Variants in DPP6 observed in about 807,000 individuals in gnomAD.
DPP6 encodes the protein dipeptidyl peptidase like 6.
Under a neutral mutation model 122.6 loss-of-function variants are expected in DPP6, and 69 were observed. The observed-to-expected ratio is 0.56, with a 90% CI of 0.46 to 0.69. The LOEUF is 0.69. Ranked by LOEUF, DPP6 falls within the 30% of genes least tolerant of loss-of-function variation. The pLI is 0.00. For missense variants in DPP6, 928 were observed against 1,116.9 expected, an observed-to-expected ratio of 0.83 and a Z score of 2.41; for synonymous variants, 418 against 433.1, an observed-to-expected ratio of 0.97 and a Z score of 0.43.
At chr7:154,510,023 G>T (rs1478458926) in intron 3 of DPP6, among the ~76,000 whole-genome samples, 1 of 152,106 alleles carries the variant, frequency 6.6e-6, no homozygotes, top group Non-Finnish European at 1.5e-5. Flanking sequence ...ATGATGGTGG[G>T]TGCACATGTC....
chr7:154,881,129 C>T lies in DPP6; in HGVS notation c.2133+187C>T, dbSNP rs3817517. The T allele has an allele frequency of 0.29, 292,988 of 996,192 alleles. 45,936 individuals are homozygous for T. Among genetic ancestry groups the T allele is most frequent in the East Asian group, 0.51 (17,529 of 34,082 alleles). 61.7% of individuals were successfully genotyped at this position (996,192 alleles called of 1,614,324 possible). A position where few individuals can be genotyped will look rare whatever the true frequency, so the allele number is the denominator to read the frequency against. On this transcript the variant is annotated intron_variant, in intron 21 of 25. Coordinates refer to ENST00000377770, the MANE Select transcript of DPP6 (RefSeq NM_130797.4). The stretch of plus-strand genomic sequence containing the variant: ...AGGTTTCATTTGATCAGCTCATTTT[C>T]CTAAGTTTCTTTTTACATTATCTGG...
intron 1 of DPP6, among the ~76,000 whole-genome samples, chr7:154,401,159 T>C (rs1815545630): frequency 6.6e-6 from 1 of 150,508 alleles, no homozygotes; most frequent in Non-Finnish European, 1.5e-5. Flanking sequence ...GTCATGCCAC[T>C]GCACTACAGC....
At chr7:154,585,228 C>T (rs956696501) in intron 5 of DPP6, among the ~76,000 whole-genome samples, 1 of 152,218 alleles carries the variant, frequency 6.6e-6, no homozygotes, top group Admixed American at 6.5e-5. Context: ...CATTTTAATG[C>T]CCGCATAGTC....
chr7:154,294,660 T>C (rs1805419304), intron 1 of DPP6, among the ~76,000 whole-genome samples: 1 of 152,124 alleles, frequency 6.6e-6, no homozygotes. Context: ...AACAGCGAGG[T>C]CTAGCCCAGA....
At chr7:154,398,617 T>C (rs1166310250) in intron 1 of DPP6, among the ~76,000 whole-genome samples, 2 of 126,194 alleles carry the variant, frequency 1.6e-5, no homozygotes, top group Non-Finnish European at 3.4e-5. Flanking sequence ...TCATATTTTC[T>C]CTCTCTCTCT....
At chr7:154,767,978 C>T (rs528821527) in intron 8 of DPP6, among the ~76,000 whole-genome samples, 1 of 152,316 alleles carries the variant, frequency 6.6e-6, no homozygotes, top group Non-Finnish European at 1.5e-5. Context: ...GCATCCCCAT[C>T]AGTGCCATGC....
chr7:153,976,339 A>G (rs924100657), intron 1 of DPP6, among the ~76,000 whole-genome samples: 4 of 152,172 alleles, frequency 2.6e-5, no homozygotes, highest in African/African-American at 9.7e-5. Flanking sequence ...TCTCTAACAG[A>G]CAACAGTGTG....
chr7:154,154,865 G>A (rs1351734813), intron 1 of DPP6, among the ~76,000 whole-genome samples: 12 of 152,326 alleles, frequency 7.9e-5, no homozygotes, highest in South Asian at 4.1e-4. Flanking sequence ...GTAAGAGCCC[G>A]TGTGGCTCAG....
chr7:154,719,843 G>T (rs1841702532), intron 7 of DPP6, among the ~76,000 whole-genome samples: 6 of 152,226 alleles, frequency 3.9e-5, no homozygotes, highest in Admixed American at 3.9e-4. Context: ...GCTCTGAAAA[G>T]AGCTCACTTG....
intron 5 of DPP6, among the ~76,000 whole-genome samples, chr7:154,629,837 G>A (rs1389721062): frequency 6.6e-6 from 1 of 152,098 alleles, no homozygotes; most frequent in Non-Finnish European, 1.5e-5. Flanking sequence ...CAGACACCCA[G>A]TCCAAAATCC....
At chr7:154,862,713 C>G (rs983900431) in intron 17 of DPP6, among the ~76,000 whole-genome samples, 2 of 152,196 alleles carry the variant, frequency 1.3e-5, no homozygotes, top group African/African-American at 4.8e-5. Context: ...TGAGTCCCCT[C>G]AATGCACAAC....
chr7:153,776,840 G>A, the DPP6 span, among the ~76,000 whole-genome samples: 2 of 152,188 alleles, frequency 1.3e-5, no homozygotes, highest in Non-Finnish European at 2.9e-5. Flanking sequence ...GAAAATATTT[G>A]TGTGACATTG....
At chr7:154,178,406 G>A (rs1585561755) in intron 1 of DPP6, among the ~76,000 whole-genome samples, 1 of 143,422 alleles carries the variant, frequency 7.0e-6, no homozygotes, top group Non-Finnish European at 1.5e-5. Context: ...TAACCACAAA[G>A]CCAAAAACCA....
intron 7 of DPP6, among the ~76,000 whole-genome samples, chr7:154,678,281 G>C (rs779054881): frequency 2.0e-5 from 3 of 152,192 alleles, no homozygotes; most frequent in Non-Finnish European, 2.9e-5. Context: ...TGGAAGCTGT[G>C]TTCTTTCCTT....
chr7:153,994,046 G>A (rs962749648), intron 1 of DPP6, among the ~76,000 whole-genome samples: 38 of 152,060 alleles, frequency 2.5e-4, no homozygotes, highest in Non-Finnish European at 4.7e-4. Context: ...TACTAGATCT[G>A]GAAGCAACCT....
chr7:154,705,528 C>A (rs1396322789), intron 7 of DPP6, among the ~76,000 whole-genome samples: 1 of 152,192 alleles, frequency 6.6e-6, no homozygotes, highest in Non-Finnish European at 1.5e-5. Context: ...AAGCAGTAGA[C>A]TCTGAAGCTC....
chr7:154,341,356 G>A (rs569038441), intron 1 of DPP6, among the ~76,000 whole-genome samples: 1 of 152,218 alleles, frequency 6.6e-6, no homozygotes, highest in African/African-American at 2.4e-5. Flanking sequence ...AGGTGGTTAT[G>A]TAGGACTCAG....
intron 5 of DPP6, among the ~76,000 whole-genome samples, chr7:154,603,656 CAA>C (rs779501891): frequency 0.053 from 1,329 of 24,850 alleles, 39 homozygotes; most frequent in African/African-American, 0.14. Flanking sequence ...AACTCTGTCT[CAA>C]AAAAAAAAAA....
the DPP6 span, among the ~76,000 whole-genome samples, chr7:153,785,440 A>G: frequency 7.2e-4 from 109 of 152,250 alleles, no homozygotes; most frequent in East Asian, 6.0e-3. Context: ...TTAGTATTTT[A>G]TAGGGGTAAT....
Sources: allele counts gnomAD v4.1 joint callset (sites outside exome capture counted in the v4.1 genomes callset), GRCh38; gene constraint gnomAD v4.1.1; transcripts MANE v1.5; gene names NCBI Gene and HGNC (gene_info 2026-07-23, HGNC 2026-07-21).